CRY1: variants seen among roughly 807,000 people sequenced by gnomAD.
The protein encoded by CRY1 is cryptochrome circadian regulator 1.
Under a neutral mutation model 76.0 loss-of-function variants are expected in CRY1, and 45 were observed. The ratio of observed to expected loss-of-function variants is 0.59; its 90% confidence interval spans 0.47 to 0.76. The LOEUF is 0.76. Among genes scored for constraint, CRY1 ranks in the 30% least tolerant of loss-of-function variants. The pLI, the probability that CRY1 is intolerant of heterozygous loss-of-function variation, is 0.00. For missense variants in CRY1, 587 were observed against 716.4 expected, an observed-to-expected ratio of 0.82 and a Z score of 2.06; for synonymous variants, 248 against 244.0, an observed-to-expected ratio of 1.02 and a Z score of -0.15.
intron 2 of CRY1, among the ~76,000 whole-genome samples, chr12:107,011,780 G>C (rs1205998496): frequency 6.6e-6 from 1 of 152,212 alleles, no homozygotes; most frequent in African/African-American, 2.4e-5. Flanking sequence ...AAGTTATCCA[G>C]ATCTATCTAA....
chr12:107,050,538 C>A (rs140473180), intron 1 of CRY1, among the ~76,000 whole-genome samples: 7 of 152,302 alleles, frequency 4.6e-5, no homozygotes, highest in African/African-American at 1.4e-4. Context: ...ATGTGATTCT[C>A]CTGCTTCCCT....
intron 1 of CRY1, among the ~76,000 whole-genome samples, chr12:107,077,363 AT>A (rs1208106438): frequency 1.1e-4 from 16 of 152,204 alleles, no homozygotes; most frequent in Admixed American, 6.5e-4. Flanking sequence ...TCATCTTTGT[AT>A]CTCCAATGAC....
chr12:107,011,272 C>A (rs1250706854), intron 2 of CRY1, among the ~76,000 whole-genome samples: 1 of 152,064 alleles, frequency 6.6e-6, no homozygotes, highest in Non-Finnish European at 1.5e-5. Flanking sequence ...ATCGTTTGAA[C>A]CCGGAAAGCG....
Position 107,005,097 on chromosome 12 carries a change from AGG to A in CRY1, c.410+7_410+8del. On this transcript the variant is annotated splice_region_variant and intron_variant, in intron 3 of 12. Coordinates refer to ENST00000008527, the MANE Select transcript of CRY1 (RefSeq NM_004075.5). ...ATTTTCCCACAGTAAAAAAAAAAAA[AGG>A]ACTCACTTGTCTAGGTCATATAATG... 6.3e-7 allele frequency: 1 copy of A among 1,575,788 alleles called. No homozygotes were observed. The highest frequency in any genetic ancestry group is 1.4e-5 in the African/African-American group (1 of 72,736).
chr12:107,070,381 C>T (rs1953174176), intron 1 of CRY1, among the ~76,000 whole-genome samples: 1 of 152,022 alleles, frequency 6.6e-6, no homozygotes, highest in Non-Finnish European at 1.5e-5. Flanking sequence ...AACACAATAG[C>T]ATTTATGTAA....
At chr12:106,992,652 TA>T in intron 12 of CRY1, 134 bp downstream of exon 12, 2 of 790,636 alleles carry the variant, frequency 2.5e-6, no homozygotes, top group Non-Finnish European at 4.0e-6. Flanking sequence ...ACTGAGTTTG[TA>T]AAAATTGCTT....
At chr12:107,080,856 TGA>T (rs1565846572) in intron 1 of CRY1, among the ~76,000 whole-genome samples, 1 of 152,004 alleles carries the variant, frequency 6.6e-6, no homozygotes, top group East Asian at 1.9e-4. Flanking sequence ...ACAAAGAAAC[TGA>T]GATACATAGT....
At chr12:107,001,127 A>G (rs1952304087) in intron 5 of CRY1, among the ~76,000 whole-genome samples, 153 bp downstream of exon 5, 1 of 152,184 alleles carries the variant, frequency 6.6e-6, no homozygotes, top group South Asian at 2.1e-4. Flanking sequence ...GATGGTAGTT[A>G]ACTTTCAAAC....
At chr12:107,070,178 T>A (rs938444710) in intron 1 of CRY1, among the ~76,000 whole-genome samples, 2 of 152,216 alleles carry the variant, frequency 1.3e-5, no homozygotes, top group African/African-American at 4.8e-5. Context: ...TGTGCAAGGA[T>A]GTTCAGTGCA....
At chr12:107,064,074 G>T (rs1174232757) in intron 1 of CRY1, among the ~76,000 whole-genome samples, 2 of 152,066 alleles carry the variant, frequency 1.3e-5, no homozygotes, top group Non-Finnish European at 2.9e-5. Flanking sequence ...CTCAAAAAGG[G>T]TTATGAGAGA....
At chr12:107,047,769 G>A (rs968631504) in intron 1 of CRY1, among the ~76,000 whole-genome samples, 55 of 151,938 alleles carry the variant, frequency 3.6e-4, no homozygotes, top group East Asian at 1.5e-3. Flanking sequence ...TCTTCACAGC[G>A]GTATAAGAAC....
chr12:107,077,941 A>G (rs981796933), intron 1 of CRY1, among the ~76,000 whole-genome samples: 1 of 152,232 alleles, frequency 6.6e-6, no homozygotes, highest in Non-Finnish European at 1.5e-5. Flanking sequence ...TGTAACAGAT[A>G]AAGTATAATT....
At chr12:107,044,377 C>A (rs1171675187) in intron 1 of CRY1, among the ~76,000 whole-genome samples, 2 of 152,162 alleles carry the variant, frequency 1.3e-5, no homozygotes, top group African/African-American at 2.4e-5. Flanking sequence ...AGTTCTACAG[C>A]CTAGGCTACT....
rs151267262 is a variant in CRY1, at chr12:107,061,311, C to G, written c.158+31493G>C. ...CACTCAGAAGTTAATTCAGTGAACCCTAAAAAAGCTGACAGCCAAATGCTT... is the reference window on the plus strand; with the variant it reads ...CACTCAGAAGTTAATTCAGTGAACCGTAAAAAAGCTGACAGCCAAATGCTT... On this transcript the variant is annotated intron_variant, in intron 1 of 12. Coordinates refer to ENST00000008527, the MANE Select transcript of CRY1 (RefSeq NM_004075.5). Among the ~76,000 whole-genome samples the G allele has an allele frequency of 6.8e-3, 1,041 of 152,002 alleles. 16 individuals carry two copies. Among genetic ancestry groups the G allele is most frequent in the African/African-American group, 0.024 (999 of 41,476 alleles).
intron 1 of CRY1, among the ~76,000 whole-genome samples, chr12:107,080,752 C>A (rs1285305035): frequency 6.6e-6 from 1 of 151,906 alleles, no homozygotes; most frequent in Non-Finnish European, 1.5e-5. Flanking sequence ...GGAGTGAAGC[C>A]GGACATGCCT....
intron 1 of CRY1, among the ~76,000 whole-genome samples, chr12:107,022,968 A>G (rs974561001): frequency 6.6e-6 from 1 of 152,176 alleles, no homozygotes; most frequent in Non-Finnish European, 1.5e-5. Flanking sequence ...GGGCAGTACC[A>G]GAAGACTGCT....
chr12:106,993,727 G>A (rs1952203040), intron 10 of CRY1, among the ~76,000 whole-genome samples: 1 of 151,926 alleles, frequency 6.6e-6, no homozygotes, highest in Admixed American at 6.6e-5. Context: ...TTCAATCCCA[G>A]GCAATCAGTG....
chr12:107,071,843 G>A (rs1047437744), intron 1 of CRY1, among the ~76,000 whole-genome samples: 1 of 152,076 alleles, frequency 6.6e-6, no homozygotes, highest in Non-Finnish European at 1.5e-5. Flanking sequence ...GGTATTTTAG[G>A]AAAATATGCA....
chr12:106,997,159 C>T (rs1276887594), intron 10 of CRY1, 135 bp downstream of exon 10: 14 of 750,760 alleles, frequency 1.9e-5, no homozygotes, highest in Non-Finnish European at 3.0e-5. Flanking sequence ...CACATGTATG[C>T]ATGCATACAA....
Sources: allele counts gnomAD v4.1 joint callset (sites outside exome capture counted in the v4.1 genomes callset), GRCh38; gene constraint gnomAD v4.1.1; transcripts MANE v1.5; gene names NCBI Gene and HGNC (gene_info 2026-07-23, HGNC 2026-07-21).